The following PLXND1 variants were observed in gnomAD, a reference collection of about 807,000 sequenced individuals.
The protein encoded by PLXND1 is plexin D1, also known as plexin-D1.
A neutral mutation model predicts 197.7 loss-of-function variants in PLXND1; 54 were observed. The observed-to-expected ratio is 0.27, with a 90% CI of 0.22 to 0.34. PLXND1 has a LOEUF of 0.34. PLXND1 is among the 10% of genes least tolerant of loss of function. The probability of loss-of-function intolerance (pLI) is 1.00; values close to 1 mark genes in which losing one functional copy is unlikely to be tolerated. For synonymous variants in PLXND1, 1,180 were observed against 1,161.2 expected, an observed-to-expected ratio of 1.02 and a Z score of -0.33; for missense variants, 2,127 against 2,699.2, an observed-to-expected ratio of 0.79 and a Z score of 4.70.
intron 13 of PLXND1, among the ~76,000 whole-genome samples, chr3:129,573,213 C>T (rs2085263411): frequency 6.6e-6 from 1 of 152,282 alleles, no homozygotes; most frequent in East Asian, 1.9e-4. Context: ...AGTTCAGTCT[C>T]TGCTCACGCG....
intron 3 of PLXND1, 98 bp downstream of exon 3, chr3:129,586,490 A>T (rs2085462953): frequency 8.6e-6 from 12 of 1,391,272 alleles, no homozygotes; most frequent in Non-Finnish European, 1.2e-5. Flanking sequence ...ATGGAGGAGG[A>T]GGGTGCTCCC....
intron 1 of PLXND1, among the ~76,000 whole-genome samples, chr3:129,590,922 T>A (rs1043812854): frequency 6.6e-6 from 1 of 152,246 alleles, no homozygotes; most frequent in African/African-American, 2.4e-5. Context: ...TGGAACCATC[T>A]TTAGGGCAAA....
chr3:129,563,355 A>C, intron 25 of PLXND1, 115 bp from the exon 26 acceptor site: 3 of 829,358 alleles, frequency 3.6e-6, no homozygotes, highest in Non-Finnish European at 5.5e-6. Flanking sequence ...CTCCTTTTGG[A>C]TCCTGGTGTC....
intron 8 of PLXND1, 95 bp downstream of exon 8, chr3:129,583,472 G>T: frequency 1.3e-6 from 1 of 779,308 alleles, no homozygotes; most frequent in Non-Finnish European, 2.2e-6. Flanking sequence ...AGCTAAGGCG[G>T]AATATGCAAA....
chr3:129,557,318 G>C lies in PLXND1; in HGVS notation c.5446-95C>G. 3 of 1,450,344 alleles carry C rather than the reference G, an allele frequency of 2.1e-6. No individual in the cohort carries two copies. In the East Asian group the frequency reaches 6.9e-5, roughly 33 times the overall value. 89.8% of individuals were successfully genotyped at this position (1,450,344 alleles called of 1,614,324 possible). On this transcript the variant is annotated intron_variant, in intron 33 of 35. Coordinates refer to ENST00000324093, the MANE Select transcript of PLXND1 (RefSeq NM_015103.3). This position sits in a 1 kb window ranked among gnomAD's most constrained non-coding sequence, Gnocchi z 4.8. ...AGCCCTCATCCCTCCTGCCACATAA[G>C]TGACCTTAGCAGGCCCCCGAGGCCC... is the stretch of plus-strand genomic sequence containing the variant.
In PLXND1 at chr3:129,557,555, CCTT is replaced by C. The variant is rs2084992716; in HGVS notation, c.5446-335_5446-333del. 6.6e-6 allele frequency among the ~76,000 whole-genome samples: 1 copy of C among 152,158 alleles called. No homozygotes were observed. Among genetic ancestry groups the C allele is most frequent in the Non-Finnish European group, 1.5e-5 (1 of 68,032 alleles). ...CCCATTCCACGTAACAAGGATGTGT[CCTT>C]CTCAGGGTGATAGGTCTTGGTGGCT... On this transcript the variant is annotated intron_variant, in intron 33 of 35. Transcript: ENST00000324093. This position sits in a 1 kb window ranked among gnomAD's most constrained non-coding sequence, Gnocchi z 4.8.
chr3:129,566,830 A>G (rs1439087995), intron 22 of PLXND1, among the ~76,000 whole-genome samples, 199 bp from the exon 23 acceptor site: 1 of 152,226 alleles, frequency 6.6e-6, no homozygotes, highest in Non-Finnish European at 1.5e-5. Flanking sequence ...ACAAGACAGC[A>G]CAAGACTTAA....
Position 129,584,149 on chromosome 3 carries a change from G to A in PLXND1, c.2114C>T (p.Thr705Ile). The A allele has an allele frequency of 6.4e-7, 1 of 1,565,590 alleles. No homozygotes were observed. Among genetic ancestry groups the A allele is most frequent in the Non-Finnish European group, 8.7e-7 (1 of 1,153,472 alleles). ...CGCTGTGTGGGGGTACACTTGTGCA[G>A]TGCGGCTGCAGTCGTAGATGGTGAA... ...ANFTIYDCSR[T>I]AQVYPHTACT... is the part of the protein sequence containing the mutation. Residue 705 changes from threonine (T) to isoleucine (I), a missense_variant, in exon 7 of 36, where the codon ACT (threonine) becomes ATT (isoleucine). Physicochemically the swap from Thr to Ile is moderately conservative, Grantham distance 89 (BLOSUM62 -1). Transcript: ENST00000324093.
intron 1 of PLXND1, among the ~76,000 whole-genome samples, chr3:129,595,921 G>GCACACGCACACA (rs2085614249): frequency 6.8e-6 from 1 of 146,514 alleles, no homozygotes; most frequent in Non-Finnish European, 1.5e-5. Flanking sequence ...GTGCACGCAC[G>GCACACGCACACA]CACACACACA....
At position 129,556,630 on chromosome 3, in the gene PLXND1, C is replaced by T. The variant is rs746872800; in HGVS notation, c.5648G>A (p.Arg1883Lys). The T allele has an allele frequency of 6.2e-7, 1 of 1,612,864 alleles. No homozygotes were observed. Among genetic ancestry groups the T allele is most frequent in the Non-Finnish European group, 8.5e-7 (1 of 1,179,128 alleles). Residue 1883 changes from arginine (R) to lysine (K), a missense_variant, in exon 35 of 36, where the codon AGG becomes AAG. Physicochemically the swap from Arg to Lys is conservative, Grantham distance 26 (BLOSUM62 2). Transcript: ENST00000324093. ...AMAEIYKYAK[R>K]YRPQIMAALE... ...TGGGGCACTCACCTGCGGCCGATAC[C>T]TCTTGGCGTACTTATAAATCTCTGC... is the stretch of plus-strand genomic sequence containing the variant.
In PLXND1 at chr3:129,571,737, G is replaced by A. The variant is rs1213096832; in HGVS notation, c.3185C>T (p.Thr1062Ile). 1.2e-6 allele frequency: 2 copies of A among 1,613,520 alleles called. No individual in the cohort carries two copies. Among genetic ancestry groups the A allele is most frequent in the Non-Finnish European group, 1.7e-6 (2 of 1,179,972 alleles). The change falls in exon 16 of 36, where the codon ACC (threonine) becomes ATC (isoleucine). Residue 1062 changes from threonine to isoleucine, a missense_variant. Physicochemically the swap from Thr to Ile is moderately conservative, Grantham distance 89. Transcript: ENST00000324093. ...ERRGCVHGNL[T>I]FWYMQNPVIT... The stretch of plus-strand genomic sequence containing the variant: ...GACCGGGTTCTGCATGTACCAGAAG[G>A]TGAGGTTGCCGTGCACGCAGCCCCG...
chr3:129,605,287 GCCGCCGCCGCCGCCGCCGCCGCCGCCA>G lies in PLXND1; in HGVS notation c.1311+15_1311+41del, dbSNP rs2085768683. The G allele has an allele frequency of 3.2e-6, 1 of 317,214 alleles. No individual in the cohort carries two copies. The highest frequency in any genetic ancestry group is 3.0e-5 in the African/African-American group (1 of 33,096). 19.6% of individuals were successfully genotyped at this position (317,214 alleles called of 1,614,324 possible). A position where few individuals can be genotyped will look rare whatever the true frequency, so the allele number is the denominator to read the frequency against. On this transcript the variant is annotated intron_variant, in intron 1 of 35. Transcript: ENST00000324093. Reference sequence around the variant, plus strand: ...CCCGCCCGCCCCCGCCCCCGCCCCCGCCGCCGCCGCCGCCGCCGCCGCCGCCACCGCCCGGGTGTACCTGGATGTTGA... The same window carrying G: ...CCCGCCCGCCCCCGCCCCCGCCCCCGCCGCCCGGGTGTACCTGGATGTTGA...
chr3:129,564,916 G>A (rs2085114988), intron 25 of PLXND1, among the ~76,000 whole-genome samples: 1 of 152,364 alleles, frequency 6.6e-6, no homozygotes, highest in African/African-American at 2.4e-5. Context: ...GACAGAGGGA[G>A]GCCTCGTGAG....
chr3:129,606,415 G>T lies in PLXND1; in HGVS notation c.225C>A (p.Ala75=). 1 of 1,473,204 alleles carries T rather than the reference G, an allele frequency of 6.8e-7. No homozygotes were observed. Among genetic ancestry groups the T allele is most frequent in the Non-Finnish European group, 9.0e-7 (1 of 1,116,824 alleles). The allele number at this position is 1,473,204 out of a possible 1,614,324, so 91.3% of individuals were successfully genotyped here. ...DGAAGTVYLA[A]VNRLYQLSGA... is the part of the protein sequence containing the mutation. ...CCGACAGCTGATAGAGGCGGTTGAC[G>T]GCCGCCAGGTACACGGTCCCCGCCG... is the stretch of plus-strand genomic sequence containing the variant. The change falls in exon 1 of 36, where the codon GCC becomes GCA. Residue 75 remains alanine (A), a synonymous_variant. Coordinates refer to ENST00000324093, the MANE Select transcript of PLXND1 (RefSeq NM_015103.3).
chr3:129,591,389 G>C (rs931263288), intron 1 of PLXND1: 1 of 152,468 alleles, frequency 6.6e-6, no homozygotes, highest in Admixed American at 6.5e-5. Flanking sequence ...CCAGCTACTT[G>C]GGAGGCTGAG....
At chr3:129,581,964 C>A (rs559394512) in intron 8 of PLXND1, among the ~76,000 whole-genome samples, 1 of 152,216 alleles carries the variant, frequency 6.6e-6, no homozygotes, top group Non-Finnish European at 1.5e-5. Flanking sequence ...AAGGAAGAGA[C>A]GTGATTGAGA....
chr3:129,579,909 G>T (rs974194351), intron 8 of PLXND1, among the ~76,000 whole-genome samples: 3 of 152,210 alleles, frequency 2.0e-5, no homozygotes, highest in Non-Finnish European at 4.4e-5. Flanking sequence ...ACCTCGAGGG[G>T]ATGCCAATGC....
Position 129,565,364 on chromosome 3 carries a change from G to A in PLXND1, c.4497C>T (p.Ser1499=). ...VVEKMLTNWM[S]ICMYSCLRET... is the part of the protein sequence containing the mutation. ...CCCGCAGACAGCTGTACATGCAGAT[G>A]GACATCCAGTTGGTGAGCATCTTCT... is the stretch of plus-strand genomic sequence containing the variant. The change falls in exon 25 of 36, where the codon TCC becomes TCT. Residue 1499 remains serine (S), a synonymous_variant. Coordinates refer to ENST00000324093, the MANE Select transcript of PLXND1 (RefSeq NM_015103.3). The A allele has an allele frequency of 2.5e-6, 4 of 1,613,982 alleles. No homozygotes were observed. Among genetic ancestry groups the A allele is most frequent in the Non-Finnish European group, 3.4e-6 (4 of 1,179,934 alleles).
chr3:129,576,234 G>A (rs1017613043), intron 9 of PLXND1, among the ~76,000 whole-genome samples: 5 of 152,168 alleles, frequency 3.3e-5, no homozygotes, highest in South Asian at 2.1e-4. Context: ...CTGCTCAGAC[G>A]TGCCCCAACG....
Sources: allele counts gnomAD v4.1 joint callset (sites outside exome capture counted in the v4.1 genomes callset), GRCh38; gene constraint gnomAD v4.1.1; non-coding constraint Gnocchi (gnomAD v3.1); transcripts MANE v1.5; gene names NCBI Gene and HGNC (gene_info 2026-07-23, HGNC 2026-07-21).